RIMS1: variants seen among roughly 807,000 people sequenced by gnomAD.
RIMS1 encodes the protein regulating synaptic membrane exocytosis 1.
In RIMS1, 83 loss-of-function variants were observed where a neutral mutation model predicts 214.1. The observed-to-expected ratio is 0.39, with a 90% CI of 0.32 to 0.47. The LOEUF is 0.47. Ranked by LOEUF, RIMS1 falls within the 20% of genes least tolerant of loss-of-function variation. RIMS1 has a pLI of 0.99. For synonymous variants in RIMS1, 793 were observed against 786.8 expected, an observed-to-expected ratio of 1.01 and a Z score of -0.13; for missense variants, 2,050 against 2,161.8, an observed-to-expected ratio of 0.95 and a Z score of 1.03.
At chr6:71,968,862 T>C in intron 1 of RIMS1, 121 bp from the exon 2 acceptor site, 2 of 987,106 alleles carry the variant, frequency 2.0e-6, no homozygotes, top group East Asian at 5.1e-5. Flanking sequence ...CCAAGGTTAA[T>C]GTTGAAGGGG....
At chr6:72,313,399 A>G in intron 27 of RIMS1, 107 bp from the exon 28 acceptor site, 5 of 868,230 alleles carry the variant, frequency 5.8e-6, no homozygotes, top group Non-Finnish European at 9.0e-6. Flanking sequence ...TACTCTTATG[A>G]AGGTACACCT....
At chr6:72,278,599 A>G (rs1467805574) in intron 23 of RIMS1, among the ~76,000 whole-genome samples, 1 of 152,092 alleles carries the variant, frequency 6.6e-6, no homozygotes, top group Non-Finnish European at 1.5e-5. Flanking sequence ...AATACAGTAC[A>G]TTACTTATTA....
chr6:72,305,483 T>C (rs560053705), intron 26 of RIMS1, among the ~76,000 whole-genome samples: 9 of 152,104 alleles, frequency 5.9e-5, no homozygotes, highest in Non-Finnish European at 1.3e-4. Flanking sequence ...TGCAGTCCAT[T>C]TGACTTACTC....
intron 10 of RIMS1, among the ~76,000 whole-genome samples, chr6:72,243,926 A>G (rs1260462570): frequency 6.6e-6 from 1 of 151,574 alleles, no homozygotes; most frequent in African/African-American, 2.4e-5. Flanking sequence ...CTTTCTTTCT[A>G]GTGAATACAT....
intron 28 of RIMS1, among the ~76,000 whole-genome samples, chr6:72,319,293 G>A (rs1434309751): frequency 6.6e-6 from 1 of 152,066 alleles, no homozygotes; most frequent in Non-Finnish European, 1.5e-5. Context: ...AAAGAAGAGA[G>A]TGCCAGCAGA....
At chr6:72,090,224 C>A (rs1267127649) in intron 2 of RIMS1, among the ~76,000 whole-genome samples, 1 of 152,086 alleles carries the variant, frequency 6.6e-6, no homozygotes, top group Non-Finnish European at 1.5e-5. Flanking sequence ...CCAGGCATTT[C>A]TCAAATTCCT....
Position 72,012,236 on chromosome 6 carries a change from A to T in RIMS1, c.245+43173A>T, listed in dbSNP as rs368430998. Among the ~76,000 whole-genome samples, 8 of 152,284 alleles carry T rather than the reference A, an allele frequency of 5.3e-5. No homozygotes were observed. In the East Asian group the frequency reaches 1.2e-3, roughly 22 times the overall value. On this transcript the variant is annotated intron_variant, in intron 2 of 33. Coordinates refer to ENST00000521978, the MANE Select transcript of RIMS1 (RefSeq NM_014989.7). The stretch of plus-strand genomic sequence containing the variant: ...TCAGCAAACTATCACAAGGACAAAA[A>T]ACCAAACACCGCATGTTGTCACTCA...
At position 72,261,948 on chromosome 6, in the gene RIMS1, A is replaced by G. The variant is rs926874974; in HGVS notation, c.3116+1181A>G. 2.2e-5 allele frequency: 22 copies of G among 984,276 alleles called. No homozygotes were observed. In the African/African-American group the frequency reaches 3.7e-4, roughly 16 times the overall value. The allele number at this position is 984,276 out of a possible 1,614,324, so 61.0% of individuals were successfully genotyped here. On this transcript the variant is annotated intron_variant, in intron 19 of 33. Coordinates refer to ENST00000521978, the MANE Select transcript of RIMS1 (RefSeq NM_014989.7). Reference sequence around the variant, plus strand: ...GCATGAACTATCCAGGTTTATTATTACTTGTTCTTGACAAACAGTTTCTTA... The same window carrying G: ...GCATGAACTATCCAGGTTTATTATTGCTTGTTCTTGACAAACAGTTTCTTA...
chr6:72,242,644 CTT>C (rs2067450124), intron 10 of RIMS1, among the ~76,000 whole-genome samples: 1 of 151,762 alleles, frequency 6.6e-6, no homozygotes, highest in South Asian at 2.1e-4. Context: ...AAGCTCCACA[CTT>C]TAACAATTGT....
chr6:72,310,077 T>C (rs2095433847), intron 27 of RIMS1, among the ~76,000 whole-genome samples: 1 of 152,150 alleles, frequency 6.6e-6, no homozygotes, highest in Non-Finnish European at 1.5e-5. Flanking sequence ...TTTTGAACTT[T>C]ATTCTGTTAT....
At chr6:72,241,331 A>G (rs2066816893) in intron 9 of RIMS1, among the ~76,000 whole-genome samples, 1 of 152,218 alleles carries the variant, frequency 6.6e-6, no homozygotes, top group African/African-American at 2.4e-5. Flanking sequence ...TCAACAAATT[A>G]AGACACCTCA....
chr6:72,268,347 G>T (rs1563303263), intron 22 of RIMS1, among the ~76,000 whole-genome samples: 1 of 152,102 alleles, frequency 6.6e-6, no homozygotes, highest in Non-Finnish European at 1.5e-5. Context: ...TTGTATTAAT[G>T]CCTAATATAT....
intron 26 of RIMS1, among the ~76,000 whole-genome samples, chr6:72,301,694 TCTTA>T (rs2094621294): frequency 1.3e-5 from 2 of 151,750 alleles, no homozygotes; most frequent in South Asian, 4.1e-4. Flanking sequence ...TTGTATTAGC[TCTTA>T]TAAGTAACCT....
At position 72,403,058 on chromosome 6, in the gene RIMS1, A is replaced by G. The variant is rs2098844272; in HGVS notation, c.*2344A>G. 2.0e-5 allele frequency: 3 copies of G among 152,260 alleles called. No homozygotes were observed. In the South Asian group the frequency reaches 6.2e-4, roughly 32 times the overall value. 9.4% of individuals were successfully genotyped at this position (152,260 alleles called of 1,614,324 possible). A position where few individuals can be genotyped will look rare whatever the true frequency, so the allele number is the denominator to read the frequency against. ...TATACTTCTGAAAAGTGGCATTATT[A>G]AAAATAATAAATCTCAGTAAGAATC... is the stretch of plus-strand genomic sequence containing the variant. On this transcript the variant is annotated 3_prime_UTR_variant, in exon 34 of 34. Transcript: ENST00000521978.
intron 4 of RIMS1, among the ~76,000 whole-genome samples, chr6:72,168,391 T>C (rs2046558948): frequency 6.6e-6 from 1 of 152,150 alleles, no homozygotes; most frequent in African/African-American, 2.4e-5. Context: ...ACTGGTGAGA[T>C]CAAATGCATG....
chr6:71,920,628 A>G (rs549380188), intron 1 of RIMS1, among the ~76,000 whole-genome samples: 2 of 152,166 alleles, frequency 1.3e-5, no homozygotes, highest in African/African-American at 4.8e-5. Flanking sequence ...CAATGTTTTT[A>G]TACAAATGAG....
chr6:72,401,561 C>T lies in RIMS1; in HGVS notation c.*847C>T, dbSNP rs2154463539. ...ATGGAAGACTTTTAAAGAAGTCAAT[C>T]TGCAACTAATGCTGGGGACTAAAAC... On this transcript the variant is annotated 3_prime_UTR_variant, in exon 34 of 34. Coordinates refer to ENST00000521978, the MANE Select transcript of RIMS1 (RefSeq NM_014989.7). 6.5e-6 allele frequency: 1 copy of T among 152,718 alleles called. No individual in the cohort carries two copies. Among genetic ancestry groups the T allele is most frequent in the South Asian group, 2.1e-4 (1 of 4,828 alleles). The allele number at this position is 152,718 out of a possible 1,614,324, so 9.5% of individuals were successfully genotyped here. A position where few individuals can be genotyped will look rare whatever the true frequency, so the allele number is the denominator to read the frequency against.
chr6:72,163,561 G>T (rs756116599), intron 4 of RIMS1, among the ~76,000 whole-genome samples: 2 of 140,554 alleles, frequency 1.4e-5, no homozygotes, highest in Non-Finnish European at 3.2e-5. Context: ...ATGGGTTTTT[G>T]GTGTGGATGT....
intron 4 of RIMS1, among the ~76,000 whole-genome samples, chr6:72,104,630 T>C (rs1283788279): frequency 2.0e-5 from 3 of 152,138 alleles, no homozygotes; most frequent in African/African-American, 7.2e-5. Flanking sequence ...CTACCAAGAA[T>C]AGAATTTGCA....
Sources: allele counts gnomAD v4.1 joint callset (sites outside exome capture counted in the v4.1 genomes callset), GRCh38; gene constraint gnomAD v4.1.1; transcripts MANE v1.5; gene names NCBI Gene and HGNC (gene_info 2026-07-23, HGNC 2026-07-21).